The following DGKD variants were observed in gnomAD, a reference collection of about 807,000 sequenced individuals.
The protein encoded by DGKD is diacylglycerol kinase delta, also known as DAG kinase delta.
A neutral mutation model predicts 154.4 loss-of-function variants in DGKD; 68 were observed. The observed-to-expected ratio is 0.44, with a 90% CI of 0.36 to 0.54. The LOEUF is 0.54. Among genes scored for constraint, DGKD ranks in the 20% least tolerant of loss-of-function variants. The probability of loss-of-function intolerance (pLI) is 0.00; values close to 1 mark genes in which losing one functional copy is unlikely to be tolerated. For missense variants in DGKD, 1,343 were observed against 1,593.6 expected (o/e 0.84, Z 2.68); for synonymous variants, 693 against 638.0 (o/e 1.09, Z -1.30).
In DGKD at chr2:233,452,524, C is replaced by CT. The variant is rs1259621058; in HGVS notation, c.2264+465dup. ...TGTTGGTGATGCAGAACCACAGACT[C>CT]TGAGCTGGAGGGTCCTCTGTGTGTC... On this transcript the variant is annotated intron_variant, in intron 18 of 29. Transcript: ENST00000264057. The surrounding 1 kb of genome is among the most constrained non-coding windows in gnomAD (Gnocchi z 4.0). Among the ~76,000 whole-genome samples the CT allele has an allele frequency of 6.6e-6, 1 of 152,162 alleles. No individual in the cohort carries two copies. The highest frequency in any genetic ancestry group is 2.4e-5 in the African/African-American group (1 of 41,434).
intron 3 of DGKD, among the ~76,000 whole-genome samples, chr2:233,403,919 C>T (rs796122822): frequency 4.6e-4 from 70 of 152,224 alleles, no homozygotes; most frequent in African/African-American, 1.5e-3. Flanking sequence ...GGATTACAGG[C>T]GTGAGCCACT....
Position 233,445,808 on chromosome 2 carries a change from A to G in DGKD, c.1334+46A>G. 6.5e-7 allele frequency: 1 copy of G among 1,541,600 alleles called. No individual in the cohort carries two copies. The highest frequency in any genetic ancestry group is 2.0e-5 in the Admixed American group (1 of 50,464). On this transcript the variant is annotated intron_variant, in intron 11 of 29. Transcript: ENST00000264057. This position sits in a 1 kb window ranked among gnomAD's most constrained non-coding sequence, Gnocchi z 5.5. ...GTGCCGTATGAGGAGACTTTGAGAG[A>G]CAGGTCCCTTTGACCAGGTGTTCTT... is the stretch of plus-strand genomic sequence containing the variant.
intron 3 of DGKD, among the ~76,000 whole-genome samples, chr2:233,426,639 A>G (rs946600198): frequency 5.9e-5 from 9 of 152,162 alleles, no homozygotes; most frequent in African/African-American, 1.4e-4. Flanking sequence ...TTGTCTCCCA[A>G]TGTATGAGTA....
chr2:233,443,834 T>C (rs1364288001), intron 10 of DGKD, among the ~76,000 whole-genome samples: 2 of 152,244 alleles, frequency 1.3e-5, no homozygotes, highest in East Asian at 3.8e-4. Context: ...CTGATTTTCA[T>C]ACGTTCAGCC....
At chr2:233,446,990 C>T (rs1384895859) in intron 12 of DGKD, among the ~76,000 whole-genome samples, 194 bp downstream of exon 12, 1 of 152,206 alleles carries the variant, frequency 6.6e-6, no homozygotes, top group Non-Finnish European at 1.5e-5. Context: ...GCCTTTTGGG[C>T]TTTGTGACCC....
chr2:233,460,835 T>C (rs1261440160), intron 24 of DGKD, among the ~76,000 whole-genome samples: 1 of 151,952 alleles, frequency 6.6e-6, no homozygotes, highest in Non-Finnish European at 1.5e-5. Flanking sequence ...GAGGTTGCAG[T>C]GAGCCGAGAT....
intron 3 of DGKD, among the ~76,000 whole-genome samples, chr2:233,415,346 G>C (rs1233545259): frequency 6.6e-6 from 1 of 152,204 alleles, no homozygotes; most frequent in Middle Eastern, 3.2e-3. Context: ...TGCAGCAAGT[G>C]CCATCAGGGT....
At chr2:233,382,035 A>C (rs1702931750) in intron 1 of DGKD, among the ~76,000 whole-genome samples, 1 of 152,216 alleles carries the variant, frequency 6.6e-6, no homozygotes, top group Admixed American at 6.5e-5. Context: ...GGAGTTCGAG[A>C]CCAGCCTGGC....
intron 3 of DGKD, among the ~76,000 whole-genome samples, chr2:233,408,122 A>G (rs1433192301): frequency 6.7e-6 from 1 of 148,276 alleles, no homozygotes; most frequent in Non-Finnish European, 1.5e-5. Flanking sequence ...AGCTCACTGC[A>G]ACCTCCGCCT....
At position 233,464,194 on chromosome 2, in the gene DGKD, G is replaced by A. The variant is rs745319682; in HGVS notation, c.3217G>A (p.Gly1073Arg). 1.2e-6 allele frequency: 2 copies of A among 1,613,638 alleles called. No individual in the cohort carries two copies. The highest frequency in any genetic ancestry group is 1.1e-5 in the South Asian group (1 of 91,088). Residue 1073 changes from glycine to arginine, a missense_variant, in exon 27 of 30, where the codon GGG becomes AGG. By Grantham distance (125) the Gly-to-Arg change is moderately radical. Transcript: ENST00000264057. ...GGATCCGCCTCAGAAGGAGCAGCTG[G>A]GGAGTGCTCTTGCCGAGATGGACCG... is the stretch of plus-strand genomic sequence containing the variant. Reference protein sequence around the residue: ...QLDPPQKEQLGSALAEMDRQL... With the variant: ...QLDPPQKEQLRSALAEMDRQL...
At chr2:233,437,032 A>C (rs538641369) in intron 7 of DGKD, among the ~76,000 whole-genome samples, 6 of 152,354 alleles carry the variant, frequency 3.9e-5, no homozygotes, top group African/African-American at 1.4e-4. Flanking sequence ...CACAGGGGAC[A>C]CATAGAGGCA....
chr2:233,415,161 T>G (rs1455638832), intron 3 of DGKD, among the ~76,000 whole-genome samples: 1 of 152,210 alleles, frequency 6.6e-6, no homozygotes, highest in African/African-American at 2.4e-5. Flanking sequence ...CAGGTAACAG[T>G]TAGACCTTGT....
At chr2:233,397,149 G>A (rs2061419674) in intron 3 of DGKD, among the ~76,000 whole-genome samples, 1 of 131,408 alleles carries the variant, frequency 7.6e-6, no homozygotes, top group African/African-American at 3.0e-5. Flanking sequence ...GAGGGGACCA[G>A]GGTGGCTGCG....
intron 3 of DGKD, among the ~76,000 whole-genome samples, chr2:233,433,928 A>G (rs2062609850): frequency 6.6e-6 from 1 of 152,236 alleles, no homozygotes; most frequent in South Asian, 2.1e-4. Context: ...GGTTTTCTAC[A>G]AGAACATTTA....
intron 16 of DGKD, among the ~76,000 whole-genome samples, 188 bp downstream of exon 16, chr2:233,450,319 C>CG (rs2063232611): frequency 6.6e-6 from 1 of 152,066 alleles, no homozygotes; most frequent in Non-Finnish European, 1.5e-5. Flanking sequence ...TGGGTGTGTG[C>CG]GGTCTGTCTT....
intron 1 of DGKD, among the ~76,000 whole-genome samples, chr2:233,380,486 A>C (rs1208433497): frequency 6.6e-6 from 1 of 152,112 alleles, no homozygotes; most frequent in African/African-American, 2.4e-5. Flanking sequence ...CAAAGGTGGC[A>C]CTGAGACTAC....
At chr2:233,415,107 GGCCTAGTTCTTT>G (rs1426113223) in intron 3 of DGKD, among the ~76,000 whole-genome samples, 2 of 152,122 alleles carry the variant, frequency 1.3e-5, no homozygotes, top group East Asian at 3.9e-4. Flanking sequence ...TGTCCCTGCT[GGCCTAGTTCTTT>G]GCCAAGAGCA....
At chr2:233,466,292 T>C (rs1437544142) in intron 27 of DGKD, among the ~76,000 whole-genome samples, 3 of 151,942 alleles carry the variant, frequency 2.0e-5, no homozygotes, top group African/African-American at 7.3e-5. Flanking sequence ...AATACCATAA[T>C]TGTAGATGTC....
chr2:233,387,021 G>T lies in DGKD; in HGVS notation c.157-1236G>T, dbSNP rs1159015430. Among the ~76,000 whole-genome samples, 3 of 152,216 alleles carry T rather than the reference G, an allele frequency of 2.0e-5. No homozygotes were observed. In the East Asian group the frequency reaches 5.8e-4, roughly 29 times the overall value. ...ATGTTGATGGCGTGTCGGGCTGGGG[G>T]CTTTCTGCAGCCTTCCCTGTTCCAC... On this transcript the variant is annotated intron_variant, in intron 1 of 29. Transcript: ENST00000264057.
Sources: allele counts gnomAD v4.1 joint callset (sites outside exome capture counted in the v4.1 genomes callset), GRCh38; gene constraint gnomAD v4.1.1; non-coding constraint Gnocchi (gnomAD v3.1); transcripts MANE v1.5; gene names NCBI Gene and HGNC (gene_info 2026-07-23, HGNC 2026-07-21).